CCDC92: variants seen among roughly 807,000 people sequenced by gnomAD.
CCDC92 encodes the protein coiled-coil domain-containing protein 92.
Under a neutral mutation model 24.9 loss-of-function variants are expected in CCDC92, and 12 were observed. That is an observed-to-expected ratio of 0.48 (90% CI 0.31 to 0.78). The LOEUF (loss-of-function observed/expected upper bound fraction) is 0.78, where lower values mean the gene tolerates loss of function less well. CCDC92 is among the 30% of genes least tolerant of loss of function. The pLI, the probability that CCDC92 is intolerant of heterozygous loss-of-function variation, is 0.05. For synonymous variants in CCDC92, 193 were observed against 196.3 expected (o/e 0.98, Z 0.14); for missense variants, 399 against 439.4 (o/e 0.91, Z 0.82).
rs1955498422 is a variant in CCDC92 at position 123,936,529 on chromosome 12, T to TTGAGA, written c.*524_*528dup. ...GAGTAGCGTCATCTTATTTAGTTCCTTGAGATACACGCACGGCTGCTCGGT... is the reference window on the plus strand; with the variant it reads ...GAGTAGCGTCATCTTATTTAGTTCCTTGAGATGAGATACACGCACGGCTGCTCGGT... On this transcript the variant is annotated 3_prime_UTR_variant, in exon 5 of 5. Coordinates refer to ENST00000238156, the MANE Select transcript of CCDC92 (RefSeq NM_025140.3). The TTGAGA allele has an allele frequency of 6.2e-6, 1 of 160,780 alleles. No individual in the cohort carries two copies. Among genetic ancestry groups the TTGAGA allele is most frequent in the South Asian group, 1.9e-4 (1 of 5,360 alleles). The allele number at this position is 160,780 out of a possible 1,614,324, so 10.0% of individuals were successfully genotyped here. A position where few individuals can be genotyped will look rare whatever the true frequency, so the allele number is the denominator to read the frequency against.
At chr12:123,963,038 G>A (rs1030204458) in intron 1 of CCDC92, among the ~76,000 whole-genome samples, 11 of 152,250 alleles carry the variant, frequency 7.2e-5, no homozygotes, top group Admixed American at 2.6e-4. Flanking sequence ...GGCATCTGGC[G>A]ATGTCTGGAG....
Position 123,936,790 on chromosome 12 carries a change from G to A in CCDC92, c.*268C>T. 1 of 570,490 alleles carries A rather than the reference G, an allele frequency of 1.8e-6. No individual in the cohort carries two copies. Among genetic ancestry groups the A allele is most frequent in the Non-Finnish European group, 3.1e-6 (1 of 321,666 alleles). 35.3% of individuals were successfully genotyped at this position (570,490 alleles called of 1,614,324 possible). A position where few individuals can be genotyped will look rare whatever the true frequency, so the allele number is the denominator to read the frequency against. On this transcript the variant is annotated 3_prime_UTR_variant, in exon 5 of 5. Transcript: ENST00000238156. ...CGCAGCCGTGGCCTGGGCTTTGCCT[G>A]CAGCGCACTTAGGTTACACGGAGCG...
At chr12:123,943,210 A>T (rs1450983594) in intron 3 of CCDC92, 137 bp downstream of exon 3, 1 of 845,664 alleles carries the variant, frequency 1.2e-6, no homozygotes, top group African/African-American at 1.9e-5. Flanking sequence ...TGCAATGAGG[A>T]TGATATAAGG....
At chr12:123,958,402 TA>T (rs1956199506) in intron 1 of CCDC92, among the ~76,000 whole-genome samples, 1 of 152,220 alleles carries the variant, frequency 6.6e-6, no homozygotes, top group Non-Finnish European at 1.5e-5. Context: ...TGAAGACACT[TA>T]ACTAAACTTG....
chr12:123,964,176 A>G (rs1457937818), intron 1 of CCDC92, among the ~76,000 whole-genome samples: 1 of 152,252 alleles, frequency 6.6e-6, no homozygotes, highest in African/African-American at 2.4e-5. Context: ...AAATAAAAAC[A>G]ATTGCTCAGG....
At chr12:123,939,663 C>T (rs1035754709) in intron 4 of CCDC92, among the ~76,000 whole-genome samples, 1 of 152,112 alleles carries the variant, frequency 6.6e-6, no homozygotes, top group Non-Finnish European at 1.5e-5. Flanking sequence ...ATAATGTCAG[C>T]AAATGACCTC....
chr12:123,961,387 A>C (rs1416467698), intron 1 of CCDC92: 2 of 152,298 alleles, frequency 1.3e-5, no homozygotes, highest in East Asian at 3.8e-4. Context: ...GGATGGGCAG[A>C]GTTGGGACAG....
chr12:123,971,483 G>A (rs1458220844), intron 1 of CCDC92: 2 of 150,998 alleles, frequency 1.3e-5, no homozygotes, highest in African/African-American at 2.4e-5. Context: ...AATTTCAAAC[G>A]TAAAAGTTTT....
chr12:123,949,453 G>A (rs1355936904), intron 1 of CCDC92, among the ~76,000 whole-genome samples: 1 of 152,198 alleles, frequency 6.6e-6, no homozygotes, highest in Non-Finnish European at 1.5e-5. Flanking sequence ...GCAGAAAATG[G>A]GGCTCCAACT....
intron 1 of CCDC92, among the ~76,000 whole-genome samples, chr12:123,951,608 G>A (rs1489995406): frequency 6.6e-6 from 1 of 152,242 alleles, no homozygotes; most frequent in Non-Finnish European, 1.5e-5. Context: ...GAGCCCTGCT[G>A]CCCTCTCTGT....
intron 1 of CCDC92, among the ~76,000 whole-genome samples, chr12:123,960,190 C>G (rs576011339): frequency 6.6e-6 from 1 of 152,082 alleles, no homozygotes; most frequent in African/African-American, 2.4e-5. Flanking sequence ...TTCTGGAAAC[C>G]TGGGCTGGCC....
At chr12:123,958,573 C>T (rs2138113760) in intron 1 of CCDC92, among the ~76,000 whole-genome samples, 1 of 152,356 alleles carries the variant, frequency 6.6e-6, no homozygotes, top group South Asian at 2.1e-4. Context: ...TGCCTCCTCA[C>T]ATAAGTGGTC....
chr12:123,942,387 A>G (rs1013240956), intron 4 of CCDC92, among the ~76,000 whole-genome samples: 2 of 152,220 alleles, frequency 1.3e-5, no homozygotes, highest in African/African-American at 4.8e-5. Context: ...GTTCTGCCCA[A>G]TGCTGCTGCT....
chr12:123,944,763 A>G (rs1408138984), intron 1 of CCDC92: 1 of 154,564 alleles, frequency 6.5e-6, no homozygotes, highest in Non-Finnish European at 1.4e-5. Context: ...AGAAGGAAAT[A>G]AAACACGACG....
In CCDC92 at chr12:123,943,517, T is replaced by C. The variant is rs754011065; in HGVS notation, c.35-24A>G. 5.0e-6 allele frequency: 8 copies of C among 1,613,404 alleles called. 1 individual carries two copies. The South Asian group carries it at 8.8e-5, about 18-fold the overall frequency. Reference sequence around the variant, plus strand: ...ACCTGTGGGTAACACAGACCCTGGCTGCGGTGCCTGAAGAGGGTCCCAGGG... The same window carrying C: ...ACCTGTGGGTAACACAGACCCTGGCCGCGGTGCCTGAAGAGGGTCCCAGGG... On this transcript the variant is annotated intron_variant, in intron 2 of 4. Transcript: ENST00000238156.
chr12:123,946,952 C>T (rs1263361115), intron 1 of CCDC92, among the ~76,000 whole-genome samples: 1 of 152,070 alleles, frequency 6.6e-6, no homozygotes, highest in Non-Finnish European at 1.5e-5. Context: ...GAGGGAGAGG[C>T]GCAAGCAGAA....
chr12:123,939,244 C>A (rs1200080841), intron 4 of CCDC92, among the ~76,000 whole-genome samples: 3 of 152,170 alleles, frequency 2.0e-5, no homozygotes, highest in Non-Finnish European at 4.4e-5. Flanking sequence ...CGCCACTGGA[C>A]GTCTTTCCCG....
chr12:123,952,486 T>C (rs1956051074), intron 1 of CCDC92, among the ~76,000 whole-genome samples: 1 of 152,232 alleles, frequency 6.6e-6, no homozygotes, highest in Admixed American at 6.5e-5. Context: ...CCATGGCTAA[T>C]TAGGCCATCA....
In CCDC92 at chr12:123,937,094, C is replaced by A; in HGVS notation, c.960G>T (p.Val320=). The change falls in exon 5 of 5, where the codon GTG becomes GTT. Residue 320 remains valine (V), a synonymous_variant. Transcript: ENST00000238156. This position sits in a 1 kb window ranked among gnomAD's most constrained non-coding sequence, Gnocchi z 8.4. ...TGTCCGTCCCTGAGTGCTTCCTCAC[C>A]ACCTTGCCTCCGTTCACCTGGTCGA... ...LAVDQVNGGK[V]VRKHSGTDRT... 6.2e-7 allele frequency: 1 copy of A among 1,613,962 alleles called. No homozygotes were observed. The highest frequency in any genetic ancestry group is 8.5e-7 in the Non-Finnish European group (1 of 1,180,018).
Sources: gnomAD v4.1 joint callset for allele counts (sites outside exome capture counted in the v4.1 genomes callset) on GRCh38, gnomAD v4.1.1 for gene constraint, Gnocchi (gnomAD v3.1) non-coding constraint, MANE v1.5 for transcripts, NCBI Gene and HGNC (gene_info 2026-07-23, HGNC 2026-07-21) for gene names.